Variants in PLXDC2 observed in about 807,000 individuals in gnomAD.
The protein encoded by PLXDC2 is plexin domain containing 2.
Under a neutral mutation model 68.9 loss-of-function variants are expected in PLXDC2, and 40 were observed. The observed-to-expected ratio is 0.58, with a 90% CI of 0.45 to 0.76. PLXDC2 has a LOEUF of 0.76. Among genes scored for constraint, PLXDC2 ranks in the 30% least tolerant of loss-of-function variants. The pLI is 0.00. For synonymous variants in PLXDC2, 243 were observed against 234.2 expected (o/e 1.04, Z -0.34); for missense variants, 644 against 661.9 (o/e 0.97, Z 0.30).
chr10:20,185,340 G>C (rs1474055450), intron 9 of PLXDC2, among the ~76,000 whole-genome samples: 1 of 151,850 alleles, frequency 6.6e-6, no homozygotes, highest in Non-Finnish European at 1.5e-5. Flanking sequence ...GTCATACCAA[G>C]GGAATTCCTA....
chr10:20,091,234 T>A (rs1460804640), intron 4 of PLXDC2, among the ~76,000 whole-genome samples: 1 of 152,162 alleles, frequency 6.6e-6, no homozygotes. Flanking sequence ...CACTCCCCAC[T>A]TCTCACCACC....
chr10:19,819,313 A>G (rs1213904765), intron 1 of PLXDC2, among the ~76,000 whole-genome samples: 8 of 152,224 alleles, frequency 5.3e-5, no homozygotes, highest in African/African-American at 1.9e-4. Context: ...ATTTTCGAAG[A>G]CTTTTATAAA....
At chr10:20,182,874 G>A (rs1252810006) in intron 9 of PLXDC2, among the ~76,000 whole-genome samples, 1 of 151,870 alleles carries the variant, frequency 6.6e-6, no homozygotes, top group Non-Finnish European at 1.5e-5. Context: ...AGGCCGTGGT[G>A]TGTGATGTTC....
At chr10:20,241,677 G>A (rs1033484043) in intron 12 of PLXDC2, among the ~76,000 whole-genome samples, 2 of 152,130 alleles carry the variant, frequency 1.3e-5, no homozygotes, top group Non-Finnish European at 2.9e-5. Flanking sequence ...TACTTGGGAG[G>A]CCAAAGCAGG....
intron 2 of PLXDC2, among the ~76,000 whole-genome samples, chr10:20,018,633 A>T (rs188656197): frequency 6.6e-6 from 1 of 152,328 alleles, no homozygotes; most frequent in African/African-American, 2.4e-5. Context: ...TGGAGAAAAA[A>T]GCTCACATCT....
intron 1 of PLXDC2, among the ~76,000 whole-genome samples, chr10:19,836,749 C>A (rs1452538542): frequency 1.3e-5 from 2 of 152,148 alleles, no homozygotes; most frequent in Non-Finnish European, 2.9e-5. Flanking sequence ...CAATTTTACA[C>A]CCTGAAAGAA....
chr10:19,960,866 G>GT (rs1428865940), intron 1 of PLXDC2, among the ~76,000 whole-genome samples: 3 of 152,194 alleles, frequency 2.0e-5, no homozygotes, highest in African/African-American at 7.2e-5. Flanking sequence ...CAAATCATCA[G>GT]TGTACATAGC....
intron 12 of PLXDC2, among the ~76,000 whole-genome samples, chr10:20,227,990 A>G (rs559553956): frequency 2.6e-5 from 4 of 152,148 alleles, no homozygotes; most frequent in Non-Finnish European, 5.9e-5. Flanking sequence ...GTCATAGGAA[A>G]GTGACGAAGG....
chr10:19,965,991 A>G (rs1834241697), intron 1 of PLXDC2, among the ~76,000 whole-genome samples: 1 of 152,004 alleles, frequency 6.6e-6, no homozygotes, highest in Admixed American at 6.6e-5. Flanking sequence ...ACCTTCAGCA[A>G]TTTTCCTGAA....
At chr10:20,188,259 C>T (rs1233512276) in intron 9 of PLXDC2, among the ~76,000 whole-genome samples, 2 of 151,732 alleles carry the variant, frequency 1.3e-5, no homozygotes, top group African/African-American at 4.8e-5. Context: ...GTATCTCCCC[C>T]TTTCCCCATC....
intron 1 of PLXDC2, among the ~76,000 whole-genome samples, chr10:19,853,787 C>T (rs1837164527): frequency 6.6e-6 from 1 of 152,090 alleles, no homozygotes; most frequent in African/African-American, 2.4e-5. Context: ...GGTTGTGTCT[C>T]CTGCCAGGTT....
chr10:20,052,081 C>A (rs1311378140), intron 3 of PLXDC2, among the ~76,000 whole-genome samples: 1 of 151,912 alleles, frequency 6.6e-6, no homozygotes, highest in Non-Finnish European at 1.5e-5. Context: ...CACTGACACA[C>A]ACTTCCATTT....
intron 4 of PLXDC2, among the ~76,000 whole-genome samples, chr10:20,124,911 C>G (rs964029957): frequency 6.6e-6 from 1 of 152,098 alleles, no homozygotes; most frequent in African/African-American, 2.4e-5. Flanking sequence ...TATCATGGCT[C>G]AGCTTGGGCT....
intron 4 of PLXDC2, among the ~76,000 whole-genome samples, chr10:20,073,753 C>T (rs1190033568): frequency 6.6e-6 from 1 of 152,044 alleles, no homozygotes; most frequent in Non-Finnish European, 1.5e-5. Flanking sequence ...TTAGTGATAC[C>T]ACCAAGATGT....
At chr10:19,989,895 A>T (rs894980901) in intron 1 of PLXDC2, among the ~76,000 whole-genome samples, 1 of 151,802 alleles carries the variant, frequency 6.6e-6, no homozygotes, top group Non-Finnish European at 1.5e-5. Flanking sequence ...GATTGCAAGC[A>T]TTCGCCACCA....
At chr10:19,981,365 C>G (rs1834546376) in intron 1 of PLXDC2, among the ~76,000 whole-genome samples, 1 of 152,144 alleles carries the variant, frequency 6.6e-6, no homozygotes, top group South Asian at 2.1e-4. Context: ...GAAACTGAGG[C>G]CCAGAGGGAA....
chr10:20,140,532 C>CT (rs1833991336), intron 4 of PLXDC2, among the ~76,000 whole-genome samples: 1 of 151,686 alleles, frequency 6.6e-6, no homozygotes, highest in African/African-American at 2.4e-5. Flanking sequence ...ACCTTTAAAG[C>CT]TTTGGAGTTT....
At chr10:19,868,950 A>G (rs1253459539) in intron 1 of PLXDC2, among the ~76,000 whole-genome samples, 1 of 152,138 alleles carries the variant, frequency 6.6e-6, no homozygotes, top group Non-Finnish European at 1.5e-5. Context: ...ATTTGATTAT[A>G]CCCTCGGTGA....
rs1341994505 is a variant in PLXDC2, at chr10:19,978,967, T to TGCA, written c.113-22808_113-22807insGCA. ...TCTTGACTATTATTACCTACAAGTA[T>TGCA]TTTCTTATATGTATGCATGTATATA... is the stretch of plus-strand genomic sequence containing the variant. On this transcript the variant is annotated intron_variant, in intron 1 of 13. Transcript: ENST00000377252. Among the ~76,000 whole-genome samples, 7 of 152,228 alleles carry TGCA rather than the reference T, an allele frequency of 4.6e-5. No homozygotes were observed. In the East Asian group the frequency reaches 1.3e-3, roughly 29 times the overall value.
Sources: gnomAD v4.1 joint callset for allele counts (sites outside exome capture counted in the v4.1 genomes callset) on GRCh38, gnomAD v4.1.1 for gene constraint, MANE v1.5 for transcripts, NCBI Gene and HGNC (gene_info 2026-07-23, HGNC 2026-07-21) for gene names.